Variants in SLC35F4 observed in about 807,000 individuals in gnomAD.
SLC35F4 encodes chromosome 14 open reading frame 36.
Under a neutral mutation model 44.2 loss-of-function variants are expected in SLC35F4, and 24 were observed. That is an observed-to-expected ratio of 0.54 (90% CI 0.39 to 0.76). The LOEUF is 0.76. Among genes scored for constraint, SLC35F4 ranks in the 30% least tolerant of loss-of-function variants. The pLI, the probability that SLC35F4 is intolerant of heterozygous loss-of-function variation, is 0.00. For synonymous variants in SLC35F4, 238 were observed against 223.6 expected (o/e 1.06, Z -0.57); for missense variants, 562 against 586.1 (o/e 0.96, Z 0.42).
At chr14:57,607,300 G>T (rs1247789159) in intron 1 of SLC35F4, among the ~76,000 whole-genome samples, 2 of 152,160 alleles carry the variant, frequency 1.3e-5, no homozygotes, top group African/African-American at 2.4e-5. Flanking sequence ...ATACATATTT[G>T]TCACCCAGGG....
At position 57,637,156 on chromosome 14, in the gene SLC35F4, G is replaced by A. The variant is rs371802195; in HGVS notation, c.104-43032C>T. ...ATAGATGAGGAAACCAAGGCTTAGA[G>A]TGGCCAAGTGACTTTCTTGGGAGTG... On this transcript the variant is annotated intron_variant, in intron 1 of 7. Transcript: ENST00000556826. Among the ~76,000 whole-genome samples the A allele has an allele frequency of 7.2e-4, 110 of 152,242 alleles. No individual in the cohort carries two copies. The South Asian group carries it at 0.023, about 31-fold the overall frequency.
intron 1 of SLC35F4, among the ~76,000 whole-genome samples, chr14:57,788,339 G>A (rs189779497): frequency 9.9e-4 from 150 of 152,158 alleles, no homozygotes; most frequent in African/African-American, 3.3e-3. Flanking sequence ...ATACTCCACC[G>A]ACAGCACTAG....
At chr14:57,808,884 G>A (rs1342919362) in intron 1 of SLC35F4, among the ~76,000 whole-genome samples, 7 of 152,076 alleles carry the variant, frequency 4.6e-5, no homozygotes, top group Admixed American at 4.6e-4. Context: ...GTGGCTTTAT[G>A]ACTAATTAGA....
At chr14:57,686,358 G>A (rs894863375) in intron 1 of SLC35F4, among the ~76,000 whole-genome samples, 2 of 152,144 alleles carry the variant, frequency 1.3e-5, no homozygotes, top group Non-Finnish European at 2.9e-5. Flanking sequence ...TCTCTTTAAA[G>A]GATGCTATTT....
intron 1 of SLC35F4, among the ~76,000 whole-genome samples, chr14:57,765,863 A>T (rs1317016251): frequency 6.6e-6 from 1 of 152,226 alleles, no homozygotes; most frequent in Non-Finnish European, 1.5e-5. Flanking sequence ...CAGGCAACAA[A>T]GATCTTAAAT....
chr14:57,926,056 C>T (rs1366190212), intron 1 of SLC35F4, among the ~76,000 whole-genome samples: 1 of 152,098 alleles, frequency 6.6e-6, no homozygotes, highest in Non-Finnish European at 1.5e-5. Flanking sequence ...GTATCAGTTC[C>T]CGTATGTGTA....
At chr14:57,982,762 C>A (rs543345436), upstream of SLC35F4, among the ~76,000 whole-genome samples, 80 of 152,052 alleles carry the variant, frequency 5.3e-4, no homozygotes, top group South Asian at 2.1e-3. Flanking sequence ...ATGTGCAGAA[C>A]GTGCCTGCAC....
chr14:57,970,797 C>A (rs1227406507), intron 1 of SLC35F4, among the ~76,000 whole-genome samples: 1 of 152,124 alleles, frequency 6.6e-6, no homozygotes, highest in East Asian at 1.9e-4. Context: ...GTCCTAGTAC[C>A]CAGGACAGCC....
chr14:57,880,259 T>C (rs1293015341), intron 1 of SLC35F4, among the ~76,000 whole-genome samples: 2 of 152,220 alleles, frequency 1.3e-5, no homozygotes, highest in African/African-American at 4.8e-5. Flanking sequence ...TTTGTTTGCA[T>C]GTAGTAAGAA....
chr14:57,613,664 T>C (rs1406316627), intron 1 of SLC35F4, among the ~76,000 whole-genome samples: 2 of 152,342 alleles, frequency 1.3e-5, no homozygotes, highest in East Asian at 3.9e-4. Context: ...CCAAAGACTT[T>C]TGAAAATACA....
chr14:57,615,837 G>A (rs879054989), intron 1 of SLC35F4, among the ~76,000 whole-genome samples: 1 of 152,132 alleles, frequency 6.6e-6, no homozygotes, highest in Non-Finnish European at 1.5e-5. Context: ...CATATAGATG[G>A]GATAGAGGGT....
chr14:57,960,571 C>T (rs1311021321), intron 1 of SLC35F4, among the ~76,000 whole-genome samples: 3 of 152,208 alleles, frequency 2.0e-5, no homozygotes, highest in Admixed American at 6.5e-5. Flanking sequence ...TGAACACAAA[C>T]ATAATCAATA....
intron 1 of SLC35F4, among the ~76,000 whole-genome samples, chr14:57,883,187 T>C (rs5003847): frequency 0.068 from 10,349 of 152,210 alleles, 436 homozygotes; most frequent in Middle Eastern, 0.14. Context: ...CAACCCCCCA[T>C]GTGACTACAG....
chr14:57,924,459 T>C (rs1889508622), intron 1 of SLC35F4, among the ~76,000 whole-genome samples: 1 of 152,002 alleles, frequency 6.6e-6, no homozygotes, highest in South Asian at 2.1e-4. Context: ...CTTTCTTTTT[T>C]TTTTTTTAAG....
intron 4 of SLC35F4, 38 bp from the exon 5 acceptor site, chr14:57,572,057 TC>T (rs1275463402): frequency 1.3e-6 from 2 of 1,587,518 alleles, no homozygotes; most frequent in Non-Finnish European, 1.7e-6. Context: ...AAAGCAATGA[TC>T]CCTCTGTATC....
intron 1 of SLC35F4, among the ~76,000 whole-genome samples, chr14:57,703,533 C>T (rs2075595061): frequency 6.6e-6 from 1 of 152,154 alleles, no homozygotes; most frequent in Admixed American, 6.5e-5. Flanking sequence ...AACAAGTGGG[C>T]AGTGGTAGAG....
At chr14:57,810,284 G>A (rs895196955) in intron 1 of SLC35F4, among the ~76,000 whole-genome samples, 38 of 152,198 alleles carry the variant, frequency 2.5e-4, no homozygotes, top group Admixed American at 2.4e-3. Context: ...GGTTGAAGCC[G>A]TGAGGGTGAA....
chr14:57,865,749 T>C lies in SLC35F4; in HGVS notation c.77A>G (p.Tyr26Cys), dbSNP rs1306135208. The change falls in exon 1 of 8, where the codon TAT (tyrosine) becomes TGT (cysteine). Residue 26 changes from tyrosine (Y) to cysteine (C), a missense_variant. Coordinates refer to ENST00000556826, the MANE Select transcript of SLC35F4 (RefSeq NM_001306087.2). ...RILRITGYYG[Y>C]YPGYSSQKST... ...TTTCTGGCTGGAGTAACCTGGATAA[T>C]AGCCATAGTAGCCGGTGATCCGCAG... 2.0e-6 allele frequency: 3 copies of C among 1,522,392 alleles called. No individual in the cohort carries two copies. The highest frequency in any genetic ancestry group is 5.0e-5 in the East Asian group (2 of 40,066). 94.3% of individuals were successfully genotyped at this position (1,522,392 alleles called of 1,614,324 possible).
intron 1 of SLC35F4, among the ~76,000 whole-genome samples, chr14:57,944,644 A>T (rs1418628721): frequency 1.3e-5 from 2 of 150,922 alleles, no homozygotes; most frequent in Non-Finnish European, 2.9e-5. Context: ...AAAAGAAAAG[A>T]GGCAGGAAGG....
Sources: gnomAD v4.1 joint callset for allele counts (sites outside exome capture counted in the v4.1 genomes callset) on GRCh38, gnomAD v4.1.1 for gene constraint, MANE v1.5 for transcripts, NCBI Gene and HGNC (gene_info 2026-07-23, HGNC 2026-07-21) for gene names.